MCC: variants seen among roughly 807,000 people sequenced by gnomAD.
MCC encodes the protein MCC regulator of Wnt signaling pathway.
A neutral mutation model predicts 116.2 loss-of-function variants in MCC; 90 were observed. The observed-to-expected ratio is 0.77, with a 90% CI of 0.65 to 0.92. MCC has a LOEUF of 0.92. Ranked by LOEUF, MCC falls within the 40% of genes least tolerant of loss-of-function variation. The probability of loss-of-function intolerance (pLI) is 0.00; values close to 1 mark genes in which losing one functional copy is unlikely to be tolerated. For synonymous variants in MCC, 578 were observed against 510.5 expected (o/e 1.13, Z -1.78); for missense variants, 1,516 against 1,312.2 (o/e 1.16, Z -2.40).
At chr5:113,124,285 C>A (rs1486932977) in intron 5 of MCC, among the ~76,000 whole-genome samples, 2 of 152,216 alleles carry the variant, frequency 1.3e-5, no homozygotes. Flanking sequence ...TTAAAAAGCA[C>A]TCTTAAGTGC....
intron 2 of MCC, among the ~76,000 whole-genome samples, chr5:113,366,634 C>CATGT (rs2150387300): frequency 6.6e-6 from 1 of 152,158 alleles, no homozygotes; most frequent in East Asian, 1.9e-4. Flanking sequence ...TCCATAAGGT[C>CATGT]ATGTAATTTT....
intron 1 of MCC, 42 bp from the exon 2 acceptor site, chr5:113,385,254 C>A: frequency 6.3e-7 from 1 of 1,576,958 alleles, no homozygotes; most frequent in South Asian, 1.2e-5. Flanking sequence ...TTATGAGTGA[C>A]ATTTAAGCTA....
At chr5:113,227,377 T>C (rs1329886667) in intron 3 of MCC, among the ~76,000 whole-genome samples, 1 of 152,230 alleles carries the variant, frequency 6.6e-6, no homozygotes, top group Non-Finnish European at 1.5e-5. Context: ...ATAAGAAGTA[T>C]ATAGCCATAC....
chr5:113,134,747 G>A (rs926278513), intron 5 of MCC, among the ~76,000 whole-genome samples: 5 of 151,600 alleles, frequency 3.3e-5, no homozygotes, highest in African/African-American at 4.8e-5. Context: ...AAAATCAGAC[G>A]TTGGTGATGA....
rs191938826 is a variant in MCC at position 113,278,324 on chromosome 5, G to T, written c.627+62195C>A. Among the ~76,000 whole-genome samples, 4 of 152,308 alleles carry T rather than the reference G, an allele frequency of 2.6e-5. No homozygotes were observed. In the East Asian group the frequency reaches 7.7e-4, roughly 29 times the overall value. ...TACTTTAAATGAAGGCCATTCACTA[G>T]AAAGTGAATGCTGAGGGTCAGGCAC... On this transcript the variant is annotated intron_variant, in intron 3 of 18. Coordinates refer to ENST00000408903, the MANE Select transcript of MCC (RefSeq NM_001085377.2).
At chr5:113,443,983 C>T (rs10073066) in intron 1 of MCC, among the ~76,000 whole-genome samples, 2,680 of 123,250 alleles carry the variant, frequency 0.022, 33 homozygotes, top group African/African-American at 0.03. Flanking sequence ...CCACCATGCT[C>T]GGCTAATTTG....
chr5:113,181,231 T>C (rs1229393340), intron 3 of MCC, among the ~76,000 whole-genome samples: 1 of 152,228 alleles, frequency 6.6e-6, no homozygotes, highest in Non-Finnish European at 1.5e-5. Flanking sequence ...AAAGCCTGGA[T>C]GTGCACAGGC....
At chr5:113,214,359 C>G (rs1763234862) in intron 3 of MCC, among the ~76,000 whole-genome samples, 1 of 152,238 alleles carries the variant, frequency 6.6e-6, no homozygotes, top group South Asian at 2.1e-4. Context: ...TTCACAAACT[C>G]TGTTTAATCA....
At chr5:113,044,555 G>A (rs1751943706) in intron 16 of MCC, 1 of 800,414 alleles carries the variant, frequency 1.2e-6, no homozygotes, top group South Asian at 5.7e-5. Flanking sequence ...TGTTGCAGGA[G>A]ATGGAATGTA....
At chr5:113,042,566 C>A (rs940708025) in intron 17 of MCC, among the ~76,000 whole-genome samples, 2 of 149,358 alleles carry the variant, frequency 1.3e-5, no homozygotes, top group Non-Finnish European at 3.0e-5. Context: ...ATTTAATCAC[C>A]AAAATAACTC....
At chr5:113,464,922 A>C (rs1488662219) in intron 1 of MCC, among the ~76,000 whole-genome samples, 2 of 152,190 alleles carry the variant, frequency 1.3e-5, no homozygotes, top group Admixed American at 6.5e-5. Flanking sequence ...ACTGACTGAC[A>C]TAAAAAAGAC....
intron 3 of MCC, among the ~76,000 whole-genome samples, chr5:113,299,578 A>G (rs1766807130): frequency 6.6e-6 from 1 of 152,228 alleles, no homozygotes. Context: ...TCTTCTCAAC[A>G]CACCAAAGAA....
At position 113,086,533 on chromosome 5, in the gene MCC, C is replaced by G. The variant is rs138644372; in HGVS notation, c.1399-1223G>C. ...TTCTATATAAAAAAGAAACACGGGA[C>G]CCTCTAAGTTACATTTAAAACGTGC... On this transcript the variant is annotated intron_variant, in intron 8 of 18. Transcript: ENST00000408903. Among the ~76,000 whole-genome samples, 229 of 152,212 alleles carry G rather than the reference C, an allele frequency of 1.5e-3. 3 individuals carry two copies. The highest frequency in any genetic ancestry group is 5.3e-3 in the African/African-American group (218 of 41,512).
intron 6 of MCC, among the ~76,000 whole-genome samples, chr5:113,120,365 A>T (rs114677894): frequency 6.6e-6 from 1 of 152,190 alleles, no homozygotes; most frequent in African/African-American, 2.4e-5. Context: ...TCACTCCTCA[A>T]CATAATTCTG....
chr5:113,206,543 T>C (rs934217019), intron 3 of MCC, among the ~76,000 whole-genome samples: 4 of 152,018 alleles, frequency 2.6e-5, no homozygotes, highest in African/African-American at 9.7e-5. Context: ...AACAAAACCC[T>C]ATCTCTACTA....
intron 3 of MCC, among the ~76,000 whole-genome samples, chr5:113,252,343 T>C (rs1483662353): frequency 1.1e-4 from 16 of 152,158 alleles, no homozygotes; most frequent in Admixed American, 1.0e-3. Context: ...TCCCCATCAC[T>C]CACTAACTGA....
chr5:113,194,325 C>A (rs1296794640), intron 3 of MCC, among the ~76,000 whole-genome samples: 1 of 152,040 alleles, frequency 6.6e-6, no homozygotes, highest in Non-Finnish European at 1.5e-5. Flanking sequence ...AGTTAAAGTC[C>A]AACATTGCCC....
intron 6 of MCC, among the ~76,000 whole-genome samples, chr5:113,107,011 A>T (rs1756776487): frequency 6.6e-6 from 1 of 151,892 alleles, no homozygotes; most frequent in African/African-American, 2.4e-5. Flanking sequence ...TCTGACTTAC[A>T]TGTTTGTTTT....
intron 1 of MCC, among the ~76,000 whole-genome samples, chr5:113,420,016 G>A (rs909466297): frequency 4.1e-5 from 6 of 146,660 alleles, no homozygotes; most frequent in Middle Eastern, 3.3e-3. Context: ...AAACTTAAAA[G>A]TATAATAATA....
Sources: allele counts gnomAD v4.1 joint callset (sites outside exome capture counted in the v4.1 genomes callset), GRCh38; gene constraint gnomAD v4.1.1; transcripts MANE v1.5; gene names NCBI Gene and HGNC (gene_info 2026-07-23, HGNC 2026-07-21).